The following BRINP3 variants were observed in gnomAD, a reference collection of about 807,000 sequenced individuals.
BRINP3 encodes the protein BMP/retinoic acid-inducible neural-specific protein 3.
BRINP3 carries 19 observed loss-of-function variants against 71.0 expected under a neutral mutation model. The observed-to-expected ratio is 0.27, with a 90% CI of 0.19 to 0.39. The LOEUF is 0.39. BRINP3 is among the 10% of genes least tolerant of loss of function. The pLI is 1.00. For synonymous variants in BRINP3, 380 were observed against 337.7 expected, an observed-to-expected ratio of 1.13 and a Z score of -1.37; for missense variants, 959 against 940.8, an observed-to-expected ratio of 1.02 and a Z score of -0.25.
chr1:190,408,203 ATT>A lies in BRINP3; in HGVS notation c.236+46450_236+46451del, dbSNP rs55768635. ...CGCCTGGCTAATTATTTATTTATTT[ATT>A]TTTTTTTTTTTTGTATTTTTAGTAG... On this transcript the variant is annotated intron_variant, in intron 2 of 7. Transcript: ENST00000367462. Among the ~76,000 whole-genome samples, 942 of 141,388 alleles carry A rather than the reference ATT, an allele frequency of 6.7e-3. 12 individuals are homozygous for A. The highest frequency in any genetic ancestry group is 0.024 in the African/African-American group (864 of 36,026). 92.8% of individuals were successfully genotyped at this position (141,388 alleles called of 152,430 possible). A position where few individuals can be genotyped will look rare whatever the true frequency, so the allele number is the denominator to read the frequency against.
intron 6 of BRINP3, among the ~76,000 whole-genome samples, chr1:190,186,373 A>G (rs1212546138): frequency 1.3e-5 from 2 of 152,186 alleles, no homozygotes; most frequent in African/African-American, 2.4e-5. Context: ...ATCTCAAAAC[A>G]AACATACAAA....
intron 2 of BRINP3, among the ~76,000 whole-genome samples, chr1:190,445,573 TCACACACA>T (rs34406812): frequency 3.4e-5 from 5 of 148,798 alleles, no homozygotes; most frequent in Admixed American, 6.7e-5. Flanking sequence ...TAACACATAC[TCACACACA>T]CACACACACA....
chr1:190,103,389 A>AT (rs200430333), intron 7 of BRINP3, among the ~76,000 whole-genome samples: 1,856 of 151,778 alleles, frequency 0.012, 37 homozygotes, highest in African/African-American at 0.042. Context: ...TTGACTATAC[A>AT]TTTTTTTTGT....
At chr1:190,280,368 G>A (rs1165802075) in intron 3 of BRINP3, among the ~76,000 whole-genome samples, 1 of 151,788 alleles carries the variant, frequency 6.6e-6, no homozygotes, top group Non-Finnish European at 1.5e-5. Flanking sequence ...TTTATTTTAA[G>A]TGGCCAGTTC....
chr1:190,424,080 T>C (rs568095923), intron 2 of BRINP3, among the ~76,000 whole-genome samples: 212 of 151,690 alleles, frequency 1.4e-3, no homozygotes, highest in African/African-American at 4.3e-3. Flanking sequence ...GTCCAAAATA[T>C]ATATAGTCAA....
At chr1:190,174,389 C>T (rs1652301975) in intron 6 of BRINP3, among the ~76,000 whole-genome samples, 2 of 151,998 alleles carry the variant, frequency 1.3e-5, no homozygotes, top group Non-Finnish European at 2.9e-5. Flanking sequence ...AAATGTAGTT[C>T]TTCTGAGTAT....
chr1:190,216,319 G>A (rs1046424314), intron 6 of BRINP3, among the ~76,000 whole-genome samples: 5 of 151,456 alleles, frequency 3.3e-5, no homozygotes, highest in African/African-American at 1.2e-4. Context: ...GTGAGGTTTT[G>A]TGTGTTTCAT....
intron 6 of BRINP3, among the ~76,000 whole-genome samples, chr1:190,203,453 A>G (rs1233453950): frequency 3.4e-5 from 5 of 147,128 alleles, no homozygotes; most frequent in Admixed American, 6.8e-5. Flanking sequence ...GTGTGTGTGT[A>G]TATATATATG....
intron 4 of BRINP3, among the ~76,000 whole-genome samples, chr1:190,242,351 T>C (rs1659184058): frequency 6.6e-6 from 1 of 152,044 alleles, no homozygotes; most frequent in Non-Finnish European, 1.5e-5. Context: ...TTATACATAA[T>C]TAATATAGTG....
At chr1:190,417,278 G>A (rs991074296) in intron 2 of BRINP3, among the ~76,000 whole-genome samples, 2 of 152,058 alleles carry the variant, frequency 1.3e-5, no homozygotes, top group Non-Finnish European at 2.9e-5. Flanking sequence ...AGAAGGCAGA[G>A]AAATAAAATT....
intron 7 of BRINP3, among the ~76,000 whole-genome samples, chr1:190,148,457 G>C (rs1048381593): frequency 6.6e-6 from 1 of 151,622 alleles, no homozygotes; most frequent in Non-Finnish European, 1.5e-5. Context: ...CTAGCCGGGC[G>C]TGGTGGCGGG....
chr1:190,152,726 A>G (rs1656524404), intron 7 of BRINP3, among the ~76,000 whole-genome samples: 1 of 152,122 alleles, frequency 6.6e-6, no homozygotes, highest in South Asian at 2.1e-4. Context: ...TCCGTGAGAA[A>G]AAGATGAAGA....
intron 2 of BRINP3, among the ~76,000 whole-genome samples, chr1:190,282,218 A>C (rs1229821310): frequency 3.3e-5 from 5 of 151,708 alleles, no homozygotes; most frequent in Non-Finnish European, 7.4e-5. Flanking sequence ...GCAGAACTTT[A>C]AAAACAACAA....
intron 6 of BRINP3, among the ~76,000 whole-genome samples, chr1:190,183,080 G>C (rs1378687692): frequency 6.6e-6 from 1 of 152,034 alleles, no homozygotes; most frequent in African/African-American, 2.4e-5. Context: ...CTGTGACTTA[G>C]CAATCAGTCT....
chr1:190,423,447 T>C (rs1318870397), intron 2 of BRINP3, among the ~76,000 whole-genome samples: 2 of 151,802 alleles, frequency 1.3e-5, no homozygotes, highest in Non-Finnish European at 2.9e-5. Context: ...TAAATAAACA[T>C]TATAAATATT....
intron 7 of BRINP3, among the ~76,000 whole-genome samples, chr1:190,158,257 T>C (rs185792875): frequency 9.7e-4 from 148 of 152,180 alleles, no homozygotes; most frequent in African/African-American, 2.6e-3. Flanking sequence ...CTGCCATTCA[T>C]GTAAGATGTG....
intron 3 of BRINP3, among the ~76,000 whole-genome samples, chr1:190,276,502 T>C (rs1662563822): frequency 6.6e-6 from 1 of 151,556 alleles, no homozygotes; most frequent in South Asian, 2.1e-4. Flanking sequence ...TTATAATTGA[T>C]ATTTTATCCA....
intron 2 of BRINP3, among the ~76,000 whole-genome samples, chr1:190,409,866 G>A (rs937065259): frequency 6.6e-6 from 1 of 151,780 alleles, no homozygotes; most frequent in Non-Finnish European, 1.5e-5. Context: ...AATGAGAGAG[G>A]CAGAGAAAAA....
intron 2 of BRINP3, among the ~76,000 whole-genome samples, chr1:190,441,211 C>T (rs1321726006): frequency 6.6e-6 from 1 of 151,544 alleles, no homozygotes; most frequent in Admixed American, 6.6e-5. Context: ...GTCAAATGTG[C>T]TTCAGAGTTC....
Sources: gnomAD v4.1 joint callset for allele counts (sites outside exome capture counted in the v4.1 genomes callset) on GRCh38, gnomAD v4.1.1 for gene constraint, MANE v1.5 for transcripts, NCBI Gene and HGNC (gene_info 2026-07-23, HGNC 2026-07-21) for gene names.